The following PKIB variants were observed in gnomAD, a reference collection of about 807,000 sequenced individuals.
PKIB encodes the protein PKI-beta.
PKIB carries 2 observed loss-of-function variants against 4.5 expected under a neutral mutation model. The observed-to-expected ratio is 0.44, with a 90% CI of 0.18 to 1.39. The LOEUF is 1.39. PKIB is among the 40% of genes most tolerant of loss of function. The pLI is 0.27. For synonymous variants in PKIB, 38 were observed against 36.0 expected (o/e 1.06, Z -0.20); for missense variants, 94 against 92.6 (o/e 1.02, Z -0.06).
intron 3 of PKIB, among the ~76,000 whole-genome samples, chr6:122,599,870 C>T (rs1236052177): frequency 2.6e-5 from 4 of 152,086 alleles, no homozygotes; most frequent in African/African-American, 9.7e-5. Context: ...AACCCCAAAA[C>T]CAATGAAAGA....
chr6:122,535,645 A>G (rs1049512229), intron 2 of PKIB, among the ~76,000 whole-genome samples: 2 of 152,170 alleles, frequency 1.3e-5, no homozygotes, highest in African/African-American at 2.4e-5. Context: ...AAACCTGGAC[A>G]GAGGAGAAGT....
chr6:122,495,912 C>A (rs771999092), intron 2 of PKIB, among the ~76,000 whole-genome samples: 1 of 152,158 alleles, frequency 6.6e-6, no homozygotes, highest in South Asian at 2.1e-4. Context: ...GCCTCTCCCC[C>A]ACATGGAGAC....
intron 2 of PKIB, among the ~76,000 whole-genome samples, chr6:122,498,009 A>G (rs1327465910): frequency 2.0e-5 from 3 of 152,174 alleles, no homozygotes; most frequent in Non-Finnish European, 2.9e-5. Flanking sequence ...AATAATACCA[A>G]CCATACTTTT....
chr6:122,682,275 G>A (rs923579697), intron 3 of PKIB, among the ~76,000 whole-genome samples: 2 of 152,154 alleles, frequency 1.3e-5, no homozygotes, highest in Non-Finnish European at 2.9e-5. Flanking sequence ...CGGCTGGCCA[G>A]TAGGGCCATG....
chr6:122,498,351 G>A (rs1028176654), intron 2 of PKIB, among the ~76,000 whole-genome samples: 6 of 152,254 alleles, frequency 3.9e-5, no homozygotes, highest in African/African-American at 1.2e-4. Flanking sequence ...GGACAGTGCA[G>A]GAAAGACCTG....
chr6:122,583,544 C>T (rs1773764624), intron 2 of PKIB, among the ~76,000 whole-genome samples: 1 of 152,036 alleles, frequency 6.6e-6, no homozygotes, highest in South Asian at 2.1e-4. Flanking sequence ...ATTTTTGCTG[C>T]TATTACTTTA....
At chr6:122,668,190 T>C (rs1777306947) in intron 2 of PKIB, among the ~76,000 whole-genome samples, 1 of 152,070 alleles carries the variant, frequency 6.6e-6, no homozygotes, top group Non-Finnish European at 1.5e-5. Context: ...GGTCATTAAG[T>C]AAAAAAATGA....
At position 122,504,528 on chromosome 6, in the gene PKIB, A is replaced by C. The variant is rs77175665; in HGVS notation, c.-248+26589A>C. On this transcript the variant is annotated intron_variant, in intron 2 of 6. Coordinates refer to the PKIB transcript ENST00000392491. ...TTAAGATTCCTTGGAACTTGATGTC[A>C]GTCTCTCTGAATGCATATTTTCTCT... is the stretch of plus-strand genomic sequence containing the variant. Among the ~76,000 whole-genome samples, 7 of 152,336 alleles carry C rather than the reference A, an allele frequency of 4.6e-5. No homozygotes were observed. In the East Asian group the frequency reaches 1.4e-3, roughly 29 times the overall value.
intron 2 of PKIB, among the ~76,000 whole-genome samples, chr6:122,528,819 AG>A (rs1777171066): frequency 6.6e-6 from 1 of 152,130 alleles, no homozygotes; most frequent in African/African-American, 2.4e-5. Context: ...GGCTGCAGTG[AG>A]CCATGGTCAT....
chr6:122,520,661 T>TGCCCCC (rs1562237597), intron 2 of PKIB, among the ~76,000 whole-genome samples: 1 of 55,548 alleles, frequency 1.8e-5, no homozygotes, highest in Non-Finnish European at 3.8e-5. Flanking sequence ...AAGTTTATGT[T>TGCCCCC]CCCACCCCCC....
At chr6:122,576,711 T>TATATATA (rs1554221348) in intron 2 of PKIB, among the ~76,000 whole-genome samples, 33 of 75,690 alleles carry the variant, frequency 4.4e-4, no homozygotes, top group East Asian at 1.2e-3. Context: ...TATATATATA[T>TATATATA]TTTCTTTTGT....
chr6:122,594,838 G>A (rs1026909043), intron 3 of PKIB, among the ~76,000 whole-genome samples: 3 of 152,156 alleles, frequency 2.0e-5, no homozygotes, highest in Admixed American at 6.5e-5. Flanking sequence ...TGGATCTCCT[G>A]TATTCCATGC....
chr6:122,515,030 C>CT (rs1302613908), intron 2 of PKIB, among the ~76,000 whole-genome samples: 2 of 152,184 alleles, frequency 1.3e-5, no homozygotes, highest in African/African-American at 2.4e-5. Context: ...GATAAACTAA[C>CT]AGTAAAACTA....
intron 2 of PKIB, among the ~76,000 whole-genome samples, chr6:122,492,133 T>A (rs940216766): frequency 5.1e-4 from 77 of 151,972 alleles, no homozygotes; most frequent in African/African-American, 1.8e-3. Context: ...ACCAGAACAG[T>A]GAGGGAGAGG....
intron 2 of PKIB, among the ~76,000 whole-genome samples, chr6:122,651,967 T>C (rs1010839950): frequency 3.9e-5 from 6 of 152,124 alleles, no homozygotes; most frequent in Non-Finnish European, 8.8e-5. Context: ...TACTCAGTGG[T>C]GATATTTGTG....
chr6:122,573,816 T>C (rs557944728), intron 2 of PKIB, among the ~76,000 whole-genome samples: 1 of 152,276 alleles, frequency 6.6e-6, no homozygotes, highest in South Asian at 2.1e-4. Flanking sequence ...GCCAACATCA[T>C]ACTGAATGGG....
Position 122,626,073 on chromosome 6 carries a change from T to TATAGATAGATAG in PKIB, c.-160-7196_-160-7185dup, listed in dbSNP as rs61494727. On this transcript the variant is annotated intron_variant, in intron 1 of 4. Coordinates refer to ENST00000368452, the MANE Select transcript of PKIB (RefSeq NM_181795.3). ...GACAGAGAGAGATCCAATTTCAAAA[T>TATAGATAGATAG]ATAGATAGATAGATAGATAGATAGA... Among the ~76,000 whole-genome samples the TATAGATAGATAG allele has an allele frequency of 1.8e-3, 268 of 151,096 alleles. 1 individual carries two copies. Among genetic ancestry groups the TATAGATAGATAG allele is most frequent in the African/African-American group, 4.9e-3 (203 of 41,016 alleles).
intron 4 of PKIB, among the ~76,000 whole-genome samples, chr6:122,720,837 G>T (rs1779711296): frequency 6.6e-6 from 1 of 151,934 alleles, no homozygotes; most frequent in African/African-American, 2.4e-5. Context: ...GAGTAGCTGG[G>T]ATTACAGGTG....
At chr6:122,693,774 T>A (rs1233651744) in intron 3 of PKIB, among the ~76,000 whole-genome samples, 1 of 152,172 alleles carries the variant, frequency 6.6e-6, no homozygotes, top group East Asian at 1.9e-4. Flanking sequence ...GATTTTAGTC[T>A]TCTGGGGAAA....
Sources: gnomAD v4.1 joint callset for allele counts (sites outside exome capture counted in the v4.1 genomes callset) on GRCh38, gnomAD v4.1.1 for gene constraint, MANE v1.5 for transcripts, NCBI Gene and HGNC (gene_info 2026-07-23, HGNC 2026-07-21) for gene names.